RARB: variants seen among roughly 807,000 people sequenced by gnomAD.
RARB encodes the protein retinoic acid receptor beta.
A neutral mutation model predicts 51.9 loss-of-function variants in RARB; 17 were observed. The ratio of observed to expected loss-of-function variants is 0.33; its 90% CI spans 0.22 to 0.49. The LOEUF (loss-of-function observed/expected upper bound fraction) is 0.49. Among genes scored for constraint, RARB ranks in the 20% least tolerant of loss-of-function variants. RARB has a pLI of 0.99. For synonymous variants in RARB, 215 were observed against 195.4 expected, an observed-to-expected ratio of 1.10 and a Z score of -0.84; for missense variants, 369 against 550.8, an observed-to-expected ratio of 0.67 and a Z score of 3.30.
At position 25,211,333 on chromosome 3, in the gene RARB, T is replaced by C. The variant is rs138235000; in HGVS notation, c.178+36758T>C. Among the ~76,000 whole-genome samples, 1,202 of 152,300 alleles carry C rather than the reference T, an allele frequency of 7.9e-3. 21 individuals are homozygous for C. The highest frequency in any genetic ancestry group is 0.03 in the East Asian group (154 of 5,182). On this transcript the variant is annotated intron_variant, in intron 5 of 11. Transcript: ENST00000383772. ...CATGATTATAAGCCTTCATGATTAG[T>C]ATAGATTTGAGCCATTTCTACAAAG...
intron 5 of RARB, among the ~76,000 whole-genome samples, chr3:25,211,356 A>G (rs1043056962): frequency 1.3e-5 from 2 of 152,220 alleles, no homozygotes; most frequent in African/African-American, 2.4e-5. Flanking sequence ...CATTTCTACA[A>G]AGACGCAGGA....
chr3:24,881,798 A>G (rs981577514), intron 2 of RARB, among the ~76,000 whole-genome samples: 1 of 152,182 alleles, frequency 6.6e-6, no homozygotes, highest in Non-Finnish European at 1.5e-5. Flanking sequence ...ATAGTGTCTC[A>G]GGAGTGATGA....
chr3:25,537,543 G>C (rs1311877399), intron 3 of RARB, among the ~76,000 whole-genome samples: 2 of 152,176 alleles, frequency 1.3e-5, no homozygotes, highest in Non-Finnish European at 1.5e-5. Context: ...TTGTGGGGCT[G>C]TTTTACTGTG....
At chr3:25,502,669 C>G (rs1697376278) in intron 3 of RARB, among the ~76,000 whole-genome samples, 1 of 152,152 alleles carries the variant, frequency 6.6e-6, no homozygotes, top group South Asian at 2.1e-4. Flanking sequence ...GTAACCTAGG[C>G]TGGTTCAATG....
intron 5 of RARB, among the ~76,000 whole-genome samples, chr3:25,366,122 A>G (rs7648812): frequency 0.38 from 58,525 of 152,116 alleles, 11,783 homozygotes; most frequent in East Asian, 0.75. Context: ...GCCTTTATGC[A>G]TTATGGACTG....
intron 2 of RARB, among the ~76,000 whole-genome samples, chr3:24,869,782 A>G (rs1344638143): frequency 6.6e-6 from 1 of 152,050 alleles, no homozygotes; most frequent in Non-Finnish European, 1.5e-5. Flanking sequence ...TCTCTTCCTA[A>G]CAGAACTTTA....
intron 5 of RARB, among the ~76,000 whole-genome samples, chr3:25,244,828 C>G (rs933547957): frequency 1.3e-5 from 2 of 151,950 alleles, no homozygotes; most frequent in Non-Finnish European, 2.9e-5. Context: ...TCTATTAGGT[C>G]TTCTTGGTCC....
At chr3:25,297,351 T>G (rs879707227) in intron 5 of RARB, among the ~76,000 whole-genome samples, 4 of 150,532 alleles carry the variant, frequency 2.7e-5, no homozygotes, top group Admixed American at 2.6e-4. Flanking sequence ...CTACAACCTT[T>G]CCCTCCCTAT....
intron 3 of RARB, among the ~76,000 whole-genome samples, chr3:25,098,568 A>C (rs1013643297): frequency 6.6e-6 from 1 of 152,184 alleles, no homozygotes; most frequent in Non-Finnish European, 1.5e-5. Context: ...CAGGATTAAC[A>C]AACTACGGCT....
chr3:25,304,719 A>G (rs1704117796), intron 5 of RARB, among the ~76,000 whole-genome samples: 1 of 151,836 alleles, frequency 6.6e-6, no homozygotes, highest in Non-Finnish European at 1.5e-5. Context: ...CCTTGCTCCC[A>G]CTCTTGTCCT....
intron 3 of RARB, among the ~76,000 whole-genome samples, chr3:25,110,313 T>A (rs1000729599): frequency 2.0e-5 from 3 of 152,232 alleles, no homozygotes; most frequent in African/African-American, 7.2e-5. Flanking sequence ...TCTGTACTTT[T>A]CTAAGGGCAT....
intron 5 of RARB, among the ~76,000 whole-genome samples, chr3:25,186,884 C>CGTGTGTGT (rs1559497305): frequency 5.1e-5 from 3 of 58,886 alleles, no homozygotes; most frequent in South Asian, 6.6e-4. Flanking sequence ...AAAAGGTAAG[C>CGTGTGTGT]CTGTGTGTGT....
chr3:25,193,734 ATTG>A (rs897899798), intron 5 of RARB, among the ~76,000 whole-genome samples: 3 of 151,892 alleles, frequency 2.0e-5, no homozygotes, highest in Admixed American at 6.6e-5. Flanking sequence ...GTGTATGTAG[ATTG>A]TTGTTTTTCA....
intron 2 of RARB, among the ~76,000 whole-genome samples, chr3:25,042,709 T>C (rs1698137832): frequency 6.6e-6 from 1 of 152,244 alleles, no homozygotes; most frequent in Admixed American, 6.5e-5. Context: ...AGTTATTGAA[T>C]GTCCATGTCA....
chr3:25,231,307 C>G (rs892100131), intron 5 of RARB, among the ~76,000 whole-genome samples: 3 of 152,212 alleles, frequency 2.0e-5, no homozygotes, highest in African/African-American at 7.2e-5. Flanking sequence ...TTTACACCTT[C>G]TTTAAAGTTA....
rs1213156698 is a variant in RARB, at chr3:25,501,250, T to C, written c.375T>C (p.Ile125=). Residue 125 remains isoleucine, a synonymous_variant, in exon 3 of 8, where the codon ATT becomes ATC. Transcript: ENST00000330688. ...YTCHRDKNCV[I]NKVTRNRCQY... ...GTCACCGAGATAAGAACTGTGTTAT[T>C]AATAAAGTCACCAGGAATCGATGCC... 1.9e-6 allele frequency: 3 copies of C among 1,612,412 alleles called. No homozygotes were observed. In the African/African-American group the frequency reaches 4.0e-5, roughly 22 times the overall value.
At chr3:25,497,613 G>A (rs984877780) in intron 2 of RARB, among the ~76,000 whole-genome samples, 4 of 152,150 alleles carry the variant, frequency 2.6e-5, no homozygotes, top group African/African-American at 9.7e-5. Context: ...GGAAGAGAGA[G>A]CTTAGTCCCA....
intron 2 of RARB, among the ~76,000 whole-genome samples, chr3:25,043,244 C>G (rs191659118): frequency 6.6e-6 from 1 of 152,248 alleles, no homozygotes; most frequent in East Asian, 1.9e-4. Context: ...ATGTTGGATT[C>G]ACAAGCTGTA....
chr3:25,220,874 G>T (rs1701932907), intron 5 of RARB, among the ~76,000 whole-genome samples: 1 of 152,292 alleles, frequency 6.6e-6, no homozygotes, highest in East Asian at 1.9e-4. Flanking sequence ...AGTGGAGATG[G>T]TCTTTCATGG....
Sources: gnomAD v4.1 joint callset for allele counts (sites outside exome capture counted in the v4.1 genomes callset) on GRCh38, gnomAD v4.1.1 for gene constraint, MANE v1.5 for transcripts, NCBI Gene and HGNC (gene_info 2026-07-23, HGNC 2026-07-21) for gene names.